Variants in GALNT13 observed in about 807,000 individuals in gnomAD.
The protein encoded by GALNT13 is UDP-GalNAc:polypeptide N-acetylgalactosaminyltransferase 13.
In GALNT13, 28 loss-of-function variants were observed where a neutral mutation model predicts 64.2. The ratio of observed to expected loss-of-function variants is 0.44; its 90% CI spans 0.32 to 0.60. The LOEUF (loss-of-function observed/expected upper bound fraction) is 0.60, where lower values mean the gene tolerates loss of function less well. GALNT13 is among the 20% of genes least tolerant of loss of function. The pLI is 0.05. For synonymous variants in GALNT13, 214 were observed against 224.6 expected, an observed-to-expected ratio of 0.95 and a Z score of 0.42; for missense variants, 577 against 669.8, an observed-to-expected ratio of 0.86 and a Z score of 1.53.
At chr2:154,207,665 A>G (rs1443997112) in intron 4 of GALNT13, among the ~76,000 whole-genome samples, 2 of 152,190 alleles carry the variant, frequency 1.3e-5, no homozygotes, top group Non-Finnish European at 2.9e-5. Flanking sequence ...GTGATTAATT[A>G]TATTTAGGAT....
chr2:154,208,895 T>C, intron 4 of GALNT13, among the ~76,000 whole-genome samples: 1 of 152,254 alleles, frequency 6.6e-6, no homozygotes, highest in East Asian at 1.9e-4. Flanking sequence ...TAGAAATTCT[T>C]TTTATTTCAA....
intron 9 of GALNT13, among the ~76,000 whole-genome samples, chr2:154,310,958 T>TATTCTAAGAATATATATTCATAGAAC (rs1234191940): frequency 6.6e-6 from 1 of 151,964 alleles, no homozygotes; most frequent in Non-Finnish European, 1.5e-5. Flanking sequence ...ATTCATAGAA[T>TATTCTAAGAATATATATTCATAGAAC]ATTCTAAGAA....
intron 9 of GALNT13, among the ~76,000 whole-genome samples, chr2:154,345,162 T>C (rs1695999916): frequency 6.6e-6 from 1 of 152,072 alleles, no homozygotes; most frequent in Admixed American, 6.6e-5. Context: ...AGTGCTTCAC[T>C]CCTAAAGATA....
At chr2:153,867,631 A>G (rs1389316122), upstream of GALNT13, among the ~76,000 whole-genome samples, 1 of 152,016 alleles carries the variant, frequency 6.6e-6, no homozygotes, top group Non-Finnish European at 1.5e-5. Flanking sequence ...ATTACATTGA[A>G]ATATATTATG....
At chr2:153,254,082 T>C in the GALNT13 span, among the ~76,000 whole-genome samples, 1 of 152,184 alleles carries the variant, frequency 6.6e-6, no homozygotes, top group Non-Finnish European at 1.5e-5. Context: ...AATTCGGCTG[T>C]GAATCCATCT....
chr2:153,206,585 C>T, the GALNT13 span, among the ~76,000 whole-genome samples: 1 of 151,992 alleles, frequency 6.6e-6, no homozygotes, highest in East Asian at 1.9e-4. Context: ...CTGAAGGGAA[C>T]TCTGGTTTTA....
intron 11 of GALNT13, among the ~76,000 whole-genome samples, chr2:154,410,066 T>C (rs1366901788): frequency 2.6e-5 from 4 of 151,922 alleles, no homozygotes; most frequent in Non-Finnish European, 5.9e-5. Context: ...AAACTGTCAA[T>C]TTGAGCAAGA....
chr2:153,432,227 C>T, the GALNT13 span, among the ~76,000 whole-genome samples: 1 of 152,140 alleles, frequency 6.6e-6, no homozygotes, highest in Non-Finnish European at 1.5e-5. Context: ...ATTGTTAACA[C>T]TCCTATCTAA....
chr2:153,861,326 G>A, the GALNT13 span, among the ~76,000 whole-genome samples: 1 of 152,092 alleles, frequency 6.6e-6, no homozygotes, highest in Non-Finnish European at 1.5e-5. Context: ...GCTGTGAAAT[G>A]GCAGAATTGG....
intron 4 of GALNT13, among the ~76,000 whole-genome samples, chr2:154,157,469 T>C (rs1463157762): frequency 6.6e-6 from 1 of 152,150 alleles, no homozygotes; most frequent in East Asian, 1.9e-4. Flanking sequence ...TACCTCAGCC[T>C]CCTAAATAAC....
chr2:153,108,640 G>A, the GALNT13 span, among the ~76,000 whole-genome samples: 1 of 152,094 alleles, frequency 6.6e-6, no homozygotes, highest in Non-Finnish European at 1.5e-5. Context: ...ACCACCTGGG[G>A]ATATTCTCTA....
chr2:153,521,409 G>T, the GALNT13 span, among the ~76,000 whole-genome samples: 1 of 152,080 alleles, frequency 6.6e-6, no homozygotes, highest in East Asian at 1.9e-4. Flanking sequence ...TTTAGGTTCA[G>T]GGCAAAATTA....
the GALNT13 span, among the ~76,000 whole-genome samples, chr2:153,119,982 A>G: frequency 5.9e-5 from 9 of 152,168 alleles, no homozygotes; most frequent in African/African-American, 2.2e-4. Context: ...TTTTCTTGGA[A>G]TGCTTCTCTC....
At chr2:154,435,886 G>A (rs1292243294) in intron 11 of GALNT13, 1 of 152,066 alleles carries the variant, frequency 6.6e-6, no homozygotes, top group Non-Finnish European at 1.5e-5. Context: ...TTTTAATAAT[G>A]ACAATTATGG....
At chr2:153,369,757 T>C in the GALNT13 span, among the ~76,000 whole-genome samples, 1 of 152,180 alleles carries the variant, frequency 6.6e-6, no homozygotes, top group Non-Finnish European at 1.5e-5. Flanking sequence ...AGATATCATA[T>C]TGTGAGATAG....
the GALNT13 span, among the ~76,000 whole-genome samples, chr2:153,403,001 A>T: frequency 1.3e-5 from 2 of 150,330 alleles, no homozygotes; most frequent in African/African-American, 4.9e-5. Flanking sequence ...GAGGAGAGGC[A>T]CTCTGCTTTT....
the GALNT13 span, among the ~76,000 whole-genome samples, chr2:153,463,450 T>C: frequency 6.6e-6 from 1 of 152,132 alleles, no homozygotes; most frequent in East Asian, 1.9e-4. Flanking sequence ...AGCAGAAATA[T>C]ATAGTTGACT....
intron 9 of GALNT13, among the ~76,000 whole-genome samples, chr2:154,385,661 T>C (rs1312524765): frequency 2.0e-5 from 3 of 152,010 alleles, no homozygotes; most frequent in Non-Finnish European, 2.9e-5. Context: ...GTGCTTACTA[T>C]GTAGTCGGGA....
At chr2:154,198,279 C>G (rs921709297) in intron 4 of GALNT13, among the ~76,000 whole-genome samples, 8 of 152,026 alleles carry the variant, frequency 5.3e-5, no homozygotes, top group Non-Finnish European at 8.8e-5. Context: ...GGAATGCCAT[C>G]AGAATAAGTT....
Sources: gnomAD v4.1 joint callset for allele counts (sites outside exome capture counted in the v4.1 genomes callset) on GRCh38, gnomAD v4.1.1 for gene constraint, MANE v1.5 for transcripts, NCBI Gene and HGNC (gene_info 2026-07-23, HGNC 2026-07-21) for gene names.